Variants in PROM1 observed in about 807,000 individuals in gnomAD.
PROM1 encodes prominin-1.
A neutral mutation model predicts 116.9 loss-of-function variants in PROM1; 105 were observed. The ratio of observed to expected loss-of-function variants is 0.90; its 90% CI spans 0.77 to 1.06. PROM1 has a LOEUF of 1.06. PROM1 is among the 50% of genes least tolerant of loss of function. PROM1 has a pLI of 0.00. For synonymous variants in PROM1, 393 were observed against 387.0 expected (o/e 1.02, Z -0.18); for missense variants, 1,122 against 1,045.2 (o/e 1.07, Z -1.01).
intron 17 of PROM1, among the ~76,000 whole-genome samples, chr4:15,991,908 C>T (rs1416433963): frequency 7.2e-6 from 1 of 138,158 alleles, no homozygotes; most frequent in Non-Finnish European, 1.5e-5. Context: ...TGCACTCCAG[C>T]CTGGTGACAG....
intron 10 of PROM1, among the ~76,000 whole-genome samples, chr4:16,015,076 C>G (rs189956200): frequency 6.6e-6 from 1 of 152,154 alleles, no homozygotes; most frequent in Non-Finnish European, 1.5e-5. Context: ...CCGGGCGTGA[C>G]GGCTCATGCC....
At chr4:16,070,144 T>G (rs1742479464) in intron 2 of PROM1, among the ~76,000 whole-genome samples, 2 of 152,058 alleles carry the variant, frequency 1.3e-5, no homozygotes, top group Non-Finnish European at 2.9e-5. Flanking sequence ...TTTAACAATT[T>G]CCCCCCTTTA....
At chr4:15,994,493 A>G (rs182350419) in intron 15 of PROM1, among the ~76,000 whole-genome samples, 3 of 152,252 alleles carry the variant, frequency 2.0e-5, no homozygotes, top group Non-Finnish European at 4.4e-5. Context: ...TCTCCTCTGT[A>G]TTTCCAGGGC....
At chr4:15,985,552 G>T (rs1719151730) in intron 22 of PROM1, 2 of 561,778 alleles carry the variant, frequency 3.6e-6, no homozygotes, top group Non-Finnish European at 6.2e-6. Context: ...ACTGCATATG[G>T]CAAAGGTGAG....
chr4:15,992,817 A>C (rs1041107365), intron 16 of PROM1, among the ~76,000 whole-genome samples: 2 of 152,182 alleles, frequency 1.3e-5, no homozygotes, highest in Non-Finnish European at 2.9e-5. Context: ...ATTCCAGGGA[A>C]GGGACCAGTA....
chr4:16,033,543 TA>T, intron 4 of PROM1, 34 bp from the exon 5 acceptor site: 2 of 1,365,206 alleles, frequency 1.5e-6, no homozygotes, highest in Non-Finnish European at 2.0e-6. Context: ...GCACATATTG[TA>T]GCACAAAATA....
chr4:15,990,730 C>T (rs1468566088), intron 18 of PROM1, among the ~76,000 whole-genome samples: 1 of 152,186 alleles, frequency 6.6e-6, no homozygotes, highest in East Asian at 1.9e-4. Context: ...AGCACCTCTC[C>T]CTGTCCATCA....
chr4:15,989,880 C>G (rs895132835), intron 18 of PROM1, 56 bp from the exon 19 acceptor site: 11 of 1,385,798 alleles, frequency 7.9e-6, no homozygotes, highest in African/African-American at 1.4e-5. Flanking sequence ...TCAAAGCACT[C>G]TCGCTATCCT....
intron 1 of PROM1, among the ~76,000 whole-genome samples, chr4:16,077,389 C>T (rs960441677): frequency 1.3e-5 from 2 of 152,188 alleles, no homozygotes; most frequent in Non-Finnish European, 1.5e-5. Flanking sequence ...TATCTGCTGA[C>T]CTTCTCTCCA....
At position 16,076,134 on chromosome 4, in the gene PROM1, A is replaced by G; in HGVS notation, c.-212-16T>C. On this transcript the variant is annotated splice_polypyrimidine_tract_variant and intron_variant, in intron 1 of 27. Coordinates refer to ENST00000447510, the MANE Select transcript of PROM1 (RefSeq NM_006017.3). Reference sequence around the variant, plus strand: ...GGCACCATCCCTGGCAGGGAGAGAAACAGCAGCAGAGTCATCAATGCGTGT... The same window carrying G: ...GGCACCATCCCTGGCAGGGAGAGAAGCAGCAGCAGAGTCATCAATGCGTGT... The G allele has an allele frequency of 1.2e-6, 1 of 841,460 alleles. No homozygotes were observed. Among genetic ancestry groups the G allele is most frequent in the Non-Finnish European group, 1.7e-6 (1 of 579,948 alleles). The allele number at this position is 841,460 out of a possible 1,614,324, so 52.1% of individuals were successfully genotyped here.
At chr4:16,044,965 GC>G (rs947555849) in intron 2 of PROM1, among the ~76,000 whole-genome samples, 1 of 152,140 alleles carries the variant, frequency 6.6e-6, no homozygotes, top group African/African-American at 2.4e-5. Context: ...GAGGCATCTT[GC>G]CCCAAGAAAA....
At position 16,000,586 on chromosome 4, in the gene PROM1, T is replaced by A; in HGVS notation, c.1488A>T (p.Ile496=). ...AGGTAAGAACCACAATGATCATCAA[T>A]ATCCAGCAAAAGAGGAAACTTAATC... ...GVGLSFLFCW[I]LMIIVVLTFV... Residue 496 remains isoleucine, a synonymous_variant, in exon 14 of 28, where the codon ATA becomes ATT. Coordinates refer to ENST00000447510, the MANE Select transcript of PROM1 (RefSeq NM_006017.3). The A allele has an allele frequency of 6.3e-7, 1 of 1,583,580 alleles. No individual in the cohort carries two copies. Among genetic ancestry groups the A allele is most frequent in the Non-Finnish European group, 8.7e-7 (1 of 1,155,974 alleles).
chr4:16,082,664 G>A (rs998146694), intron 1 of PROM1: 2 of 152,236 alleles, frequency 1.3e-5, no homozygotes, highest in African/African-American at 2.4e-5. Flanking sequence ...CAGCCGCGCA[G>A]GGGAGGGGGT....
intron 11 of PROM1, 73 bp downstream of exon 11, chr4:16,013,202 A>G (rs1727360977): frequency 5.0e-6 from 6 of 1,202,310 alleles, no homozygotes; most frequent in Middle Eastern, 1.9e-4. Flanking sequence ...GAAAAGAACA[A>G]TGCAATACTT....
chr4:16,036,498 T>A (rs1733972442), intron 3 of PROM1, among the ~76,000 whole-genome samples: 1 of 152,128 alleles, frequency 6.6e-6, no homozygotes, highest in Non-Finnish European at 1.5e-5. Flanking sequence ...TTTTAAATGA[T>A]CCCGGTCTCC....
At chr4:16,006,740 C>G in intron 12 of PROM1, 50 bp from the exon 13 acceptor site, 1 of 1,580,218 alleles carries the variant, frequency 6.3e-7, no homozygotes, top group Non-Finnish European at 8.6e-7. Flanking sequence ...TGACGCCACC[C>G]TAACACAAAA....
At position 16,040,462 on chromosome 4, in the gene PROM1, T is replaced by C. The variant is rs370353037; in HGVS notation, c.221-1461A>G. 8.5e-5 allele frequency among the ~76,000 whole-genome samples: 13 copies of C among 152,366 alleles called. No homozygotes were observed. The East Asian group carries it at 2.5e-3, about 29-fold the overall frequency. Reference sequence around the variant, plus strand: ...TTACAGATCAGGCTTTAACATTTCATTGTTTAAAATTTCACTGAATGAAAG... The same window carrying C: ...TTACAGATCAGGCTTTAACATTTCACTGTTTAAAATTTCACTGAATGAAAG... On this transcript the variant is annotated intron_variant, in intron 2 of 27. Transcript: ENST00000447510.
intron 1 of PROM1, among the ~76,000 whole-genome samples, chr4:16,079,582 C>T (rs1348126867): frequency 1.3e-5 from 2 of 151,966 alleles, no homozygotes; most frequent in African/African-American, 2.4e-5. Context: ...CCACTAGGTC[C>T]GAGAGCCACT....
intron 2 of PROM1, among the ~76,000 whole-genome samples, chr4:16,046,669 CA>C (rs1015324399): frequency 6.6e-6 from 1 of 152,160 alleles, no homozygotes; most frequent in African/African-American, 2.4e-5. Context: ...TTAAGACATA[CA>C]AATACACATG....
Sources: allele counts gnomAD v4.1 joint callset (sites outside exome capture counted in the v4.1 genomes callset), GRCh38; gene constraint gnomAD v4.1.1; transcripts MANE v1.5; gene names NCBI Gene and HGNC (gene_info 2026-07-23, HGNC 2026-07-21).